NHS: variants seen among roughly 807,000 people sequenced by gnomAD.
NHS encodes actin remodeling regulator NHS.
In NHS, 5 loss-of-function variants were observed where a neutral mutation model predicts 72.5. That is an observed-to-expected ratio of 0.07 (90% CI 0.04 to 0.14). NHS has a LOEUF of 0.14. Among genes scored for constraint, NHS ranks in the 10% least tolerant of loss-of-function variants. The probability of loss-of-function intolerance (pLI) is 1.00; values close to 1 mark genes in which losing one functional copy is unlikely to be tolerated. For synonymous variants in NHS, 464 were observed against 547.7 expected (o/e 0.85, Z 2.13); for missense variants, 1,072 against 1,355.7 (o/e 0.79, Z 3.29).
intron 3 of NHS, among the ~76,000 whole-genome samples, chrX:17,706,462 C>A (rs2066296499): frequency 9.4e-6 from 1 of 106,914 alleles, no homozygotes; most frequent in Admixed American, 1.0e-4. Context: ...TACAACTTTT[C>A]TTTAAGTCTA....
At chrX:17,441,209 TG>T (rs1338210918) in intron 1 of NHS, among the ~76,000 whole-genome samples, 14 of 112,725 alleles carry the variant, frequency 1.2e-4, no homozygotes, top group African/African-American at 4.5e-4. Flanking sequence ...TCCTCCGTGC[TG>T]GTCCTGGTGC....
intron 1 of NHS, among the ~76,000 whole-genome samples, chrX:17,491,331 G>C (rs1300562571): frequency 1.8e-5 from 2 of 111,737 alleles, no homozygotes; most frequent in African/African-American, 3.3e-5. Context: ...TAGCATGAAG[G>C]GGTGTTGAAT....
At chrX:17,597,159 A>G (rs1446814241) in intron 1 of NHS, among the ~76,000 whole-genome samples, 46 of 90,665 alleles carry the variant, frequency 5.1e-4, no homozygotes, top group Middle Eastern at 6.8e-3. Context: ...TTGCTCTGTC[A>G]CCCAGGCTGG....
intron 1 of NHS, chrX:17,635,633 C>G: frequency 8.7e-7 from 1 of 1,152,565 alleles, no homozygotes; most frequent in Non-Finnish European, 1.2e-6. Flanking sequence ...CTTGGCAAGA[C>G]AAAGGGGAGG....
chrX:17,385,090 C>G (rs775629869), intron 1 of NHS, among the ~76,000 whole-genome samples: 1 of 112,139 alleles, frequency 8.9e-6, no homozygotes, highest in Admixed American at 9.4e-5. Flanking sequence ...GAGAGCCCAC[C>G]CACCAGACTA....
intron 1 of NHS, among the ~76,000 whole-genome samples, chrX:17,478,956 C>T (rs1161925083): frequency 1.8e-5 from 2 of 110,949 alleles, no homozygotes; most frequent in Non-Finnish European, 3.8e-5. Flanking sequence ...GCCGAAGGTG[C>T]GGGTTTGTTA....
At chrX:17,538,911 C>G (rs1335075175) in intron 1 of NHS, among the ~76,000 whole-genome samples, 1 of 112,172 alleles carries the variant, frequency 8.9e-6, no homozygotes, top group African/African-American at 3.2e-5. Context: ...CCCTGTCTAG[C>G]CACTGCCCTT....
At chrX:17,576,553 C>T (rs1324864355) in intron 1 of NHS, among the ~76,000 whole-genome samples, 2 of 111,835 alleles carry the variant, frequency 1.8e-5, no homozygotes, top group Non-Finnish European at 3.8e-5. Context: ...GGTTAAATTA[C>T]TTAAAAATAA....
In NHS at chrX:17,495,956, G is replaced by T. The variant is rs145034339; in HGVS notation, c.565+119634G>T. Among the ~76,000 whole-genome samples the T allele has an allele frequency of 4.5e-3, 507 of 111,543 alleles. 4 individuals carry two copies. Among genetic ancestry groups the T allele is most frequent in the African/African-American group, 0.015 (476 of 30,736 alleles). On this transcript the variant is annotated intron_variant, in intron 1 of 8. Coordinates refer to ENST00000676302, the MANE Select transcript of NHS (RefSeq NM_001291867.2). Reference sequence around the variant, plus strand: ...GGGGCCAAGCTAACAGAACCTAAGGGCTGGTGGCACTCTGGAAAGGCTGGA... The same window carrying T: ...GGGGCCAAGCTAACAGAACCTAAGGTCTGGTGGCACTCTGGAAAGGCTGGA...
intron 1 of NHS, among the ~76,000 whole-genome samples, chrX:17,410,875 G>A (rs2064554313): frequency 8.9e-6 from 1 of 111,739 alleles, no homozygotes; most frequent in African/African-American, 3.3e-5. Flanking sequence ...CTTTAAAAGA[G>A]CTCATTATGA....
chrX:17,693,293 G>A (rs1296198802), intron 3 of NHS, among the ~76,000 whole-genome samples: 2 of 111,857 alleles, frequency 1.8e-5, no homozygotes, highest in Non-Finnish European at 3.8e-5. Flanking sequence ...TGGGGCCTCA[G>A]TGGGGACAAC....
At chrX:17,655,668 A>G (rs1367607690) in intron 1 of NHS, among the ~76,000 whole-genome samples, 2 of 112,765 alleles carry the variant, frequency 1.8e-5, no homozygotes, top group East Asian at 5.6e-4. Flanking sequence ...AGTCCTCTCC[A>G]TTCACTGAGC....
At chrX:17,481,276 G>A (rs2064944944) in intron 1 of NHS, among the ~76,000 whole-genome samples, 1 of 111,943 alleles carries the variant, frequency 8.9e-6, no homozygotes, top group Non-Finnish European at 1.9e-5. Flanking sequence ...GAGTGATTTA[G>A]TGATCAGTGG....
At chrX:17,647,593 A>G (rs1161224016) in intron 1 of NHS, among the ~76,000 whole-genome samples, 1 of 112,395 alleles carries the variant, frequency 8.9e-6, no homozygotes, top group Non-Finnish European at 1.9e-5. Context: ...CAGCATGACT[A>G]TTGTTGTTAA....
chrX:17,642,696 T>G (rs189066718), intron 1 of NHS, among the ~76,000 whole-genome samples: 147 of 112,226 alleles, frequency 1.3e-3, no homozygotes, highest in African/African-American at 4.1e-3. Context: ...TGGGTGGATA[T>G]TCGAGTGAAG....
At chrX:17,731,058 C>T (rs1161111087) in intron 8 of NHS, among the ~76,000 whole-genome samples, 1 of 110,764 alleles carries the variant, frequency 9.0e-6, no homozygotes, top group Non-Finnish European at 1.9e-5. Context: ...CCAATCCTGT[C>T]CCACCCACAC....
At chrX:17,729,313 TG>T (rs891348660) in intron 8 of NHS, among the ~76,000 whole-genome samples, 2 of 111,900 alleles carry the variant, frequency 1.8e-5, no homozygotes, top group Non-Finnish European at 3.8e-5. Flanking sequence ...AAACTCACAT[TG>T]TACCCTATAA....
chrX:17,690,649 G>A, intron 2 of NHS, among the ~76,000 whole-genome samples: 1 of 112,205 alleles, frequency 8.9e-6, no homozygotes, highest in Middle Eastern at 4.6e-3. Context: ...AGGAATCCCT[G>A]GTCTAGTGGA....
intron 1 of NHS, among the ~76,000 whole-genome samples, chrX:17,676,920 T>C (rs1272611527): frequency 1.8e-5 from 2 of 112,233 alleles, no homozygotes; most frequent in African/African-American, 6.5e-5. Context: ...GATGGTTGAA[T>C]ATCACCAATT....
Sources: allele counts gnomAD v4.1 joint callset (sites outside exome capture counted in the v4.1 genomes callset), GRCh38; gene constraint gnomAD v4.1.1; transcripts MANE v1.5; gene names NCBI Gene and HGNC (gene_info 2026-07-23, HGNC 2026-07-21).